TEP1: variants seen among roughly 807,000 people sequenced by gnomAD.
TEP1 encodes telomerase protein component 1.
In TEP1, 241 loss-of-function variants were observed where a neutral mutation model predicts 306.3. The observed-to-expected ratio is 0.79, with a 90% CI of 0.71 to 0.88. TEP1 has a LOEUF of 0.88. Ranked by LOEUF, TEP1 falls within the 40% of genes least tolerant of loss-of-function variation. TEP1 has a pLI of 0.00. For missense variants in TEP1, 3,051 were observed against 3,276.1 expected (o/e 0.93, Z 1.68); for synonymous variants, 1,289 against 1,305.5 (o/e 0.99, Z 0.27).
intron 47 of TEP1, 51 bp downstream of exon 47, chr14:20,373,219 A>T: frequency 6.2e-7 from 1 of 1,612,386 alleles, no homozygotes; most frequent in Non-Finnish European, 8.5e-7. Context: ...GCCACCCTTG[A>T]CCTTTTTTTG....
chr14:20,389,959 A>C (rs1877551310), intron 15 of TEP1, among the ~76,000 whole-genome samples: 1 of 152,232 alleles, frequency 6.6e-6, no homozygotes. Flanking sequence ...TGGCTCATTC[A>C]GGCTCAAGAG....
chr14:20,369,442 C>G lies in TEP1; in HGVS notation c.7558G>C (p.Asp2520His), dbSNP rs1884686676. The G allele has an allele frequency of 1.2e-6, 2 of 1,614,100 alleles. No individual in the cohort carries two copies. The highest frequency in any genetic ancestry group is 1.3e-5 in the African/African-American group (1 of 74,944). ...TCAGATTCCCTGCAGGTAGATGGGTCTGTCCCTGGAGTTTGGGTTTCTGGA... is the reference window on the plus strand; with the variant it reads ...TCAGATTCCCTGCAGGTAGATGGGTGTGTCCCTGGAGTTTGGGTTTCTGGA... ...NTPETQTPGTDPSTCRESDAS... is the reference protein window; with the variant it reads ...NTPETQTPGTHPSTCRESDAS... The change falls in exon 53 of 55, where the codon GAC becomes CAC. Residue 2520 changes from aspartate to histidine, a missense_variant. Transcript: ENST00000262715.
intron 7 of TEP1, among the ~76,000 whole-genome samples, chr14:20,402,752 C>G (rs1019748202): frequency 6.6e-6 from 1 of 152,082 alleles, no homozygotes; most frequent in African/African-American, 2.4e-5. Flanking sequence ...CTTATTTGTC[C>G]AAAAGTAAAA....
Position 20,391,655 on chromosome 14 carries a change from C to T in TEP1, c.2041G>A (p.Val681Ile), listed in dbSNP as rs773723639. 9.0e-5 allele frequency: 146 copies of T among 1,614,026 alleles called. 1 individual carries two copies. The South Asian group carries it at 1.5e-3, about 17-fold the overall frequency. Residue 681 changes from valine (V) to isoleucine (I), a missense_variant, in exon 13 of 55, where the codon GTC (valine) becomes ATC (isoleucine). Transcript: ENST00000262715. The stretch of plus-strand genomic sequence containing the variant: ...TCTGCATTAGCATCTGTCAGATAGA[C>T]CAAGACAGTGCGGCCTGGCAGCAGG... The part of the protein sequence containing the change: ...LPLLPGRTVL[V>I]YLTDANADRL...
At chr14:20,393,726 G>A (rs1361820748) in intron 12 of TEP1, among the ~76,000 whole-genome samples, 1 of 151,706 alleles carries the variant, frequency 6.6e-6, no homozygotes, top group Admixed American at 6.6e-5. Flanking sequence ...GGGGAGGCAG[G>A]GGTTGCAGTG....
Position 20,384,109 on chromosome 14 carries a change from G to A in TEP1, c.3463C>T (p.Arg1155Trp), listed in dbSNP as rs373687506. ...RPRLLQDTVQ[R>W]LMLPHGRLSL... ...AGCCTTCCGTGGGGCAGCATCAGCC[G>A]TTGCACTGTGTCCTGAAGAAGGCGT... is the stretch of plus-strand genomic sequence containing the variant. The change falls in exon 24 of 55, where the codon CGG becomes TGG. Residue 1155 changes from arginine to tryptophan, a missense_variant. Coordinates refer to ENST00000262715, the MANE Select transcript of TEP1 (RefSeq NM_007110.5). 3.2e-5 allele frequency: 51 copies of A among 1,614,026 alleles called. No homozygotes were observed. The highest frequency in any genetic ancestry group is 1.6e-4 in the African/African-American group (12 of 75,040).
rs775117670 is a variant in TEP1, at chr14:20,381,965, C to T, written c.4372G>A (p.Gly1458Arg). 6 of 1,614,140 alleles carry T rather than the reference C, an allele frequency of 3.7e-6. No individual in the cohort carries two copies. The South Asian group carries it at 5.5e-5, about 15-fold the overall frequency. The change falls in exon 30 of 55, where the codon GGA becomes AGA. Residue 1458 changes from glycine to arginine, a missense_variant. Gly to Arg is a moderately radical substitution (Grantham distance 125). Transcript: ENST00000262715. This position sits in a 1 kb window ranked among gnomAD's most constrained non-coding sequence, Gnocchi z 4.0. ...AACGGGCCCATGGGGTAGGGGTCTC[C>T]ACTGTTACCAGCAGCCACTGCTTCT... is the stretch of plus-strand genomic sequence containing the variant. The part of the protein sequence containing the change: ...WEEAVAAGNS[G>R]DPYPMGPFAC...
At chr14:20,380,503 G>C in intron 33 of TEP1, 28 bp from the exon 34 acceptor site, 1 of 1,595,264 alleles carries the variant, frequency 6.3e-7, no homozygotes, top group African/African-American at 1.3e-5. Context: ...AATGTCACTG[G>C]GGAGCCAGCT....
rs754260162 is a variant in TEP1, at chr14:20,371,232, C to T, written c.7303G>A (p.Val2435Ile). 5 of 1,614,038 alleles carry T rather than the reference C, an allele frequency of 3.1e-6. No individual in the cohort carries two copies. Among genetic ancestry groups the T allele is most frequent in the Non-Finnish European group, 4.2e-6 (5 of 1,179,890 alleles). The change falls in exon 51 of 55, where the codon GTT (valine) becomes ATT (isoleucine). Residue 2435 changes from valine (V) to isoleucine (I), a missense_variant. Physicochemically the swap from Val to Ile is conservative, Grantham distance 29 (BLOSUM62 3). Around this residue, in one of 3 missense-constraint regions of TEP1, gnomAD observed 1,540 missense variants for 1,705.9 expected, o/e 0.90. Coordinates refer to ENST00000262715, the MANE Select transcript of TEP1 (RefSeq NM_007110.5). ...IFVLQPKDPG[V>I]LSFLRQKESG... ...ATAGGACTTACCAAGAAAGAAAGAACTCCAGGATCCTTGGGCTGCAGGACA... is the reference window on the plus strand; with the variant it reads ...ATAGGACTTACCAAGAAAGAAAGAATTCCAGGATCCTTGGGCTGCAGGACA...
chr14:20,380,142 C>G, intron 34 of TEP1, 89 bp from the exon 35 acceptor site: 1 of 1,581,310 alleles, frequency 6.3e-7, no homozygotes, highest in Non-Finnish European at 8.6e-7. Flanking sequence ...GGATCCCTCT[C>G]CAGTGTTTCT....
intron 7 of TEP1, among the ~76,000 whole-genome samples, chr14:20,402,685 T>G (rs1407449438): frequency 6.6e-6 from 1 of 152,188 alleles, no homozygotes; most frequent in African/African-American, 2.4e-5. Context: ...GGATGGAAGA[T>G]TCAAAGCCGG....
chr14:20,382,430 G>A (rs1296391168), intron 28 of TEP1, 74 bp from the exon 29 acceptor site: 1 of 1,559,842 alleles, frequency 6.4e-7, no homozygotes. Context: ...ATAGGGAAGG[G>A]GCAGCAGGAG....
chr14:20,405,052 T>C (rs1470941993), intron 4 of TEP1, among the ~76,000 whole-genome samples: 1 of 152,178 alleles, frequency 6.6e-6, no homozygotes, highest in Non-Finnish European at 1.5e-5. Flanking sequence ...TCAACAGCTA[T>C]CAAAAATTTA....
rs763477449 is a variant in TEP1 at position 20,375,743 on chromosome 14, C to A, written c.6363+12G>T. 1.3e-6 allele frequency: 2 copies of A among 1,597,230 alleles called. No homozygotes were observed. Among genetic ancestry groups the A allele is most frequent in the Admixed American group, 3.3e-5 (2 of 59,946 alleles). On this transcript the variant is annotated intron_variant, in intron 43 of 54. Transcript: ENST00000262715. ...CAGCTGGGCTCTGTGCCACCCCTGG[C>A]CCTTTACTCACCAGTAGGTTATCTT...
chr14:20,384,889 A>G, intron 21 of TEP1, 96 bp downstream of exon 21: 2 of 1,575,428 alleles, frequency 1.3e-6, no homozygotes, highest in Non-Finnish European at 1.7e-6. Flanking sequence ...TCTGCCTCAT[A>G]GCACTCCCCT....
chr14:20,404,135 A>G (rs1566481922), intron 5 of TEP1, among the ~76,000 whole-genome samples: 1 of 152,138 alleles, frequency 6.6e-6, no homozygotes. Flanking sequence ...CCAGTGGATC[A>G]CCTGAGGTCA....
At chr14:20,406,701 G>A (rs1394676734) in intron 2 of TEP1, among the ~76,000 whole-genome samples, 2 of 152,148 alleles carry the variant, frequency 1.3e-5, no homozygotes, top group African/African-American at 4.8e-5. Flanking sequence ...CACCTTTTAG[G>A]ATATTAGTAA....
In TEP1 at chr14:20,384,466, A is replaced by G; in HGVS notation, c.3264T>C (p.Tyr1088=). 5 of 1,614,014 alleles carry G rather than the reference A, an allele frequency of 3.1e-6. No homozygotes were observed. Among genetic ancestry groups the G allele is most frequent in the Non-Finnish European group, 4.2e-6 (5 of 1,179,998 alleles). The change falls in exon 23 of 55, where the codon TAT becomes TAC. Residue 1088 remains tyrosine (Y), a synonymous_variant. Transcript: ENST00000262715. Reference sequence around the variant, plus strand: ...GCCCAAACTCCTCCAGCCCGCCAACATAGGGCCGGCCAGCTGCCACACCCC... The same window carrying G: ...GCCCAAACTCCTCCAGCCCGCCAACGTAGGGCCGGCCAGCTGCCACACCCC... The part of the protein sequence containing the change: ...EWGGVAAGRP[Y]VGGLEEFGQL...
At chr14:20,396,563 C>T (rs1160244197) in intron 10 of TEP1, 58 bp downstream of exon 10, 2 of 1,452,700 alleles carry the variant, frequency 1.4e-6, no homozygotes, top group Admixed American at 1.8e-5. Context: ...GCAGCAGTGG[C>T]CTCTCCACGT....
Sources: gnomAD v4.1 joint callset for allele counts (sites outside exome capture counted in the v4.1 genomes callset) on GRCh38, gnomAD v4.1.1 for gene constraint, gnomAD v4.1.1 regional missense constraint, Gnocchi (gnomAD v3.1) non-coding constraint, MANE v1.5 for transcripts, NCBI Gene and HGNC (gene_info 2026-07-23, HGNC 2026-07-21) for gene names.